The following KIAA0825 variants were observed in gnomAD, a reference collection of about 807,000 sequenced individuals.
KIAA0825 encodes KIAA0825.
Under a neutral mutation model 147.6 loss-of-function variants are expected in KIAA0825, and 119 were observed. That is an observed-to-expected ratio of 0.81 (90% CI 0.69 to 0.94). KIAA0825 has a LOEUF of 0.94. KIAA0825 is among the 40% of genes least tolerant of loss of function. The probability of loss-of-function intolerance (pLI) is 0.00; values close to 1 mark genes in which losing one functional copy is unlikely to be tolerated. For missense variants in KIAA0825, 1,381 were observed against 1,472.7 expected, an observed-to-expected ratio of 0.94 and a Z score of 1.02; for synonymous variants, 470 against 518.1, an observed-to-expected ratio of 0.91 and a Z score of 1.26.
At chr5:94,242,644 C>T (rs1321000740) in intron 20 of KIAA0825, among the ~76,000 whole-genome samples, 4 of 149,576 alleles carry the variant, frequency 2.7e-5, no homozygotes, top group African/African-American at 7.4e-5. Context: ...TTTGCTTTTT[C>T]CTTTTTCTTC....
At chr5:94,430,966 C>A (rs946072303) in intron 14 of KIAA0825, among the ~76,000 whole-genome samples, 2 of 152,274 alleles carry the variant, frequency 1.3e-5, no homozygotes, top group Admixed American at 1.3e-4. Flanking sequence ...CTAGGCAACA[C>A]CTTCTCAGGC....
At chr5:94,264,353 C>T (rs1000466261) in intron 20 of KIAA0825, among the ~76,000 whole-genome samples, 1 of 152,168 alleles carries the variant, frequency 6.6e-6, no homozygotes. Flanking sequence ...CCTTGAGTGC[C>T]TAGCACCATG....
intron 1 of KIAA0825, among the ~76,000 whole-genome samples, chr5:94,617,126 G>T: frequency 6.6e-6 from 1 of 152,004 alleles, no homozygotes; most frequent in East Asian, 1.9e-4. Context: ...AAAGTGCCTG[G>T]CAGACAGTAT....
chr5:94,222,516 AG>A (rs1773758699), intron 20 of KIAA0825, among the ~76,000 whole-genome samples: 1 of 152,180 alleles, frequency 6.6e-6, no homozygotes, highest in African/African-American at 2.4e-5. Flanking sequence ...ATATAGAAAA[AG>A]CTTTCTTGAT....
intron 2 of KIAA0825, among the ~76,000 whole-genome samples, chr5:94,579,336 T>A (rs922555136): frequency 1.3e-5 from 2 of 152,198 alleles, no homozygotes; most frequent in Non-Finnish European, 2.9e-5. Flanking sequence ...GTTACCAAGA[T>A]TACATGGGAT....
At chr5:94,413,895 A>G (rs1365682856) in intron 15 of KIAA0825, 2 of 152,224 alleles carry the variant, frequency 1.3e-5, no homozygotes, top group African/African-American at 4.8e-5. Context: ...CAGCCTTTCA[A>G]TATGTGAAAG....
At chr5:94,188,255 A>G (rs1218833902) in intron 20 of KIAA0825, among the ~76,000 whole-genome samples, 1 of 152,230 alleles carries the variant, frequency 6.6e-6, no homozygotes, top group Non-Finnish European at 1.5e-5. Context: ...ACACCAGAAA[A>G]TAAGACAGAA....
intron 10 of KIAA0825, among the ~76,000 whole-genome samples, chr5:94,468,107 G>A (rs534569506): frequency 6.6e-5 from 10 of 152,264 alleles, no homozygotes; most frequent in Admixed American, 3.3e-4. Context: ...GGTTATTTCC[G>A]TCTTTGAAGC....
chr5:94,168,540 T>G (rs1298926532), intron 20 of KIAA0825, among the ~76,000 whole-genome samples: 1 of 152,188 alleles, frequency 6.6e-6, no homozygotes, highest in Non-Finnish European at 1.5e-5. Context: ...AGGGAAAACA[T>G]AAACGGAAGC....
chr5:94,421,070 C>T (rs1468815489), intron 14 of KIAA0825, among the ~76,000 whole-genome samples: 1 of 152,126 alleles, frequency 6.6e-6, no homozygotes, highest in Non-Finnish European at 1.5e-5. Context: ...CATATCTTTT[C>T]TGGTAGCTCT....
At chr5:94,198,649 G>A (rs147954279) in intron 20 of KIAA0825, among the ~76,000 whole-genome samples, 6,072 of 152,182 alleles carry the variant, frequency 0.04, 174 homozygotes, top group Middle Eastern at 0.082. Flanking sequence ...CCTAATGCAT[G>A]CAGGGCTTAA....
chr5:94,310,233 C>G (rs1269651099), intron 20 of KIAA0825, among the ~76,000 whole-genome samples: 1 of 151,592 alleles, frequency 6.6e-6, no homozygotes, highest in Non-Finnish European at 1.5e-5. Flanking sequence ...TGATGAGGTA[C>G]ACCTGAAACT....
intron 13 of KIAA0825, among the ~76,000 whole-genome samples, chr5:94,442,964 G>C (rs1029862762): frequency 3.5e-4 from 54 of 152,210 alleles, no homozygotes; most frequent in African/African-American, 1.1e-3. Flanking sequence ...TGAATGGATT[G>C]GAGGTGGTTG....
intron 5 of KIAA0825, among the ~76,000 whole-genome samples, chr5:94,501,537 G>A (rs1165973095): frequency 7.2e-5 from 11 of 152,188 alleles, no homozygotes; most frequent in African/African-American, 9.7e-5. Flanking sequence ...TGAGCACTAC[G>A]TGGCCATCCC....
chr5:94,164,560 TG>T (rs1277884861), intron 20 of KIAA0825, among the ~76,000 whole-genome samples: 1 of 152,036 alleles, frequency 6.6e-6, no homozygotes, highest in African/African-American at 2.4e-5. Flanking sequence ...TACAGACGCG[TG>T]CCACCACGTC....
chr5:94,608,436 T>A (rs1247245395), intron 1 of KIAA0825, among the ~76,000 whole-genome samples: 1 of 41,468 alleles, frequency 2.4e-5, no homozygotes, highest in South Asian at 6.7e-4. Context: ...TAATTTTGTG[T>A]GTGTATGTGT....
chr5:94,407,719 G>C (rs1353224371), intron 15 of KIAA0825, among the ~76,000 whole-genome samples: 1 of 152,150 alleles, frequency 6.6e-6, no homozygotes, highest in African/African-American at 2.4e-5. Flanking sequence ...GTTTCTTTTT[G>C]GCGTGATTAA....
At chr5:94,495,009 C>T (rs1764194354) in intron 5 of KIAA0825, among the ~76,000 whole-genome samples, 1 of 152,188 alleles carries the variant, frequency 6.6e-6, no homozygotes, top group African/African-American at 2.4e-5. Context: ...CCAACCGAAT[C>T]ACAGCCTTTT....
At chr5:94,214,279 A>T (rs181910008) in intron 20 of KIAA0825, among the ~76,000 whole-genome samples, 1 of 152,272 alleles carries the variant, frequency 6.6e-6, no homozygotes, top group African/African-American at 2.4e-5. Context: ...CTCTATAAAG[A>T]TCATACCCTT....
Sources: gnomAD v4.1 joint callset for allele counts (sites outside exome capture counted in the v4.1 genomes callset) on GRCh38, gnomAD v4.1.1 for gene constraint, MANE v1.5 for transcripts, NCBI Gene and HGNC (gene_info 2026-07-23, HGNC 2026-07-21) for gene names.